HLA-DQA1: variants seen among roughly 807,000 people sequenced by gnomAD.
The protein encoded by HLA-DQA1 is major histocompatibility complex, class II, DQ alpha 1, also known as HLA class II histocompatibility antigen, DQ alpha 1 chain.
HLA-DQA1 carries 10 observed loss-of-function variants against 20.7 expected under a neutral mutation model. The ratio of observed to expected loss-of-function variants is 0.48; its 90% CI spans 0.30 to 0.82. The LOEUF (loss-of-function observed/expected upper bound fraction) is 0.82. HLA-DQA1 is among the 40% of genes least tolerant of loss of function. The probability of loss-of-function intolerance (pLI) is 0.07; values close to 1 mark genes in which losing one functional copy is unlikely to be tolerated. For synonymous variants in HLA-DQA1, 39 were observed against 109.2 expected, an observed-to-expected ratio of 0.36 and a Z score of 4.01; for missense variants, 127 against 293.0, an observed-to-expected ratio of 0.43 and a Z score of 4.14.
At chr6:32,650,274 T>C (rs1210377004), downstream of HLA-DQA1, among the ~76,000 whole-genome samples, 35 of 96,936 alleles carry the variant, frequency 3.6e-4, 13 homozygotes, top group Non-Finnish European at 7.6e-4. Context: ...TCAACCATTG[T>C]GGAAAACAAT....
At chr6:32,647,669 T>G (rs17612562), downstream of HLA-DQA1, among the ~76,000 whole-genome samples, 86,021 of 151,460 alleles carry the variant, frequency 0.57, 24,648 homozygotes, top group Middle Eastern at 0.7. Context: ...TCCAAATCCT[T>G]CCTAAGTCTA....
chr6:32,654,573 T>A, the HLA-DQA1 span, among the ~76,000 whole-genome samples: 279 of 82,516 alleles, frequency 3.4e-3, 1 homozygote, highest in Middle Eastern at 0.017. Context: ...AAATGCTATG[T>A]AAATAGTTAT....
At chr6:32,644,028 T>A (rs9273030), downstream of HLA-DQA1, 84,896 of 149,674 alleles carry the variant, frequency 0.57, 24,463 homozygotes, top group Middle Eastern at 0.7. Context: ...GGATGTTTCT[T>A]GGAAACATGC....
Position 32,642,001 on chromosome 6 carries a change from T to G in HLA-DQA1, c.361T>G (p.Ser121Ala). The change falls in exon 3 of 5, where the codon TCT (serine) becomes GCT (alanine). Residue 121 changes from serine to alanine, a missense_variant. Ser to Ala is a moderately conservative substitution (Grantham distance 99). Around this residue, in one of 4 missense-constraint regions of HLA-DQA1, gnomAD observed 30 missense variants for 39.9 expected, o/e 0.75. Transcript: ENST00000343139. ...TCCTGAGGTCACAGTGTTTTCCAAG[T>G]CTCCCGTGACACTGGGTCAGCCCAA... ...EVPEVTVFSK[S>A]PVTLGQPNTL... The G allele has an allele frequency of 6.4e-7, 1 of 1,552,668 alleles. No individual in the cohort carries two copies.
At chr6:32,644,898 T>C (rs960537528), downstream of HLA-DQA1, 1 of 140,070 alleles carries the variant, frequency 7.1e-6, no homozygotes, top group African/African-American at 2.6e-5. Flanking sequence ...TTTATGCCTG[T>C]TTACTTTGGG....
rs869290258 is a variant in HLA-DQA1 at position 32,639,015 on chromosome 6, CTT to C, written c.82+1477_82+1478del. 717 of 312,168 alleles carry C rather than the reference CTT, an allele frequency of 2.3e-3. 11 individuals are homozygous for C. Among genetic ancestry groups the C allele is most frequent in the Admixed American group, 6.2e-3 (152 of 24,464 alleles). 19.3% of individuals were successfully genotyped at this position (312,168 alleles called of 1,614,324 possible). A position where few individuals can be genotyped will look rare whatever the true frequency, so the allele number is the denominator to read the frequency against. On this transcript the variant is annotated intron_variant, in intron 1 of 4. Coordinates refer to ENST00000343139, the MANE Select transcript of HLA-DQA1 (RefSeq NM_002122.5). ...AAAAGGGGAAGTGAACTGGAAGGTA[CTT>C]TAAACTTTCACAACTTTATTAACCG... is the stretch of plus-strand genomic sequence containing the variant.
chr6:32,640,472 G>C lies in HLA-DQA1; in HGVS notation c.83-838G>C, dbSNP rs117441922. Among the ~76,000 whole-genome samples the C allele has an allele frequency of 6.2e-4, 52 of 84,378 alleles. 3 individuals are homozygous for C. In the East Asian group the frequency reaches 0.019, roughly 31 times the overall value. 55.4% of individuals were successfully genotyped at this position (84,378 alleles called of 152,430 possible). On this transcript the variant is annotated intron_variant, in intron 1 of 4. Transcript: ENST00000343139. ...CTGCCATTCTGCTCTGGCATCCTCA[G>C]ACAAGCACACTGCCCATTAGAGGAA...
chr6:32,647,442 C>A (rs1263060648), downstream of HLA-DQA1, among the ~76,000 whole-genome samples: 1 of 53,762 alleles, frequency 1.9e-5, no homozygotes, highest in Non-Finnish European at 4.2e-5. Flanking sequence ...GCACTCCAGC[C>A]TGGGCAACAG....
chr6:32,652,279 CAAA>C, the HLA-DQA1 span, among the ~76,000 whole-genome samples: 4 of 41,286 alleles, frequency 9.7e-5, no homozygotes, highest in African/African-American at 8.3e-5. Flanking sequence ...GACTCCATCT[CAAA>C]AAAAAAAAAA....
the HLA-DQA1 span, among the ~76,000 whole-genome samples, chr6:32,654,844 C>T: frequency 0.031 from 2,927 of 94,286 alleles, 1,090 homozygotes; most frequent in East Asian, 0.31. Flanking sequence ...TGGTGAAACC[C>T]TGTCTCGGGA....
the HLA-DQA1 span, among the ~76,000 whole-genome samples, chr6:32,652,141 G>T: frequency 5.4e-5 from 5 of 93,202 alleles, 2 homozygotes; most frequent in African/African-American, 7.5e-5. Flanking sequence ...AATTAGCTGG[G>T]CACGGTGGCG....
chr6:32,637,947 A>G (rs9272472), intron 1 of HLA-DQA1, among the ~76,000 whole-genome samples: 16,554 of 92,692 alleles, frequency 0.18, 3,103 homozygotes, highest in East Asian at 0.28. Flanking sequence ...TCTTGGGGTC[A>G]TTCCATCAAT....
chr6:32,649,368 A>C (rs1782093949), downstream of HLA-DQA1, among the ~76,000 whole-genome samples: 1 of 97,088 alleles, frequency 1.0e-5, no homozygotes, highest in Non-Finnish European at 2.3e-5. Context: ...CAAAGCAAAA[A>C]GAACAAAGCA....
Position 32,637,660 on chromosome 6 carries a change from C to A in HLA-DQA1, c.82+120C>A, listed in dbSNP as rs7751376. 5 of 428,384 alleles carry A rather than the reference C, an allele frequency of 1.2e-5. 1 individual carries two copies. The African/African-American group carries it at 1.4e-4, about 12-fold the overall frequency. The allele number at this position is 428,384 out of a possible 1,614,324, so 26.5% of individuals were successfully genotyped here. A position where few individuals can be genotyped will look rare whatever the true frequency, so the allele number is the denominator to read the frequency against. On this transcript the variant is annotated intron_variant, in intron 1 of 4. Transcript: ENST00000343139. ...CCTAAGGGCCCTTTCAGTATTAAGA[C>A]AATTAAAAATTATAGCTGTTCCTCC...
downstream of HLA-DQA1, among the ~76,000 whole-genome samples, chr6:32,648,072 G>A (rs1782054388): frequency 6.7e-6 from 1 of 148,948 alleles, no homozygotes; most frequent in Non-Finnish European, 1.5e-5. Flanking sequence ...GGCGTTTAGA[G>A]ATGGCTTGAA....
Position 32,642,354 on chromosome 6 carries a change from A to T in HLA-DQA1, c.613+101A>T, listed in dbSNP as rs756161144. ...TCCAAAAACTTGTTTTCCACACTTC[A>T]TGGGTTTCTTTTCTGTCTCTCTTTT... On this transcript the variant is annotated intron_variant, in intron 3 of 4. Transcript: ENST00000343139. 7.6e-6 allele frequency: 6 copies of T among 793,354 alleles called. 2 individuals are homozygous for T. Among genetic ancestry groups the T allele is most frequent in the Non-Finnish European group, 1.2e-5 (6 of 514,422 alleles). 49.1% of individuals were successfully genotyped at this position (793,354 alleles called of 1,614,324 possible). A position where few individuals can be genotyped will look rare whatever the true frequency, so the allele number is the denominator to read the frequency against.
chr6:32,642,593 C>G lies in HLA-DQA1; in HGVS notation c.614-17C>G. 7.2e-7 allele frequency: 1 copy of G among 1,388,792 alleles called. No homozygotes were observed. The highest frequency in any genetic ancestry group is 1.2e-5 in the South Asian group (1 of 84,532). The allele number at this position is 1,388,792 out of a possible 1,614,324, so 86.0% of individuals were successfully genotyped here. A position where few individuals can be genotyped will look rare whatever the true frequency, so the allele number is the denominator to read the frequency against. On this transcript the variant is annotated splice_polypyrimidine_tract_variant and intron_variant, in intron 3 of 4. Transcript: ENST00000343139. ...AGCACACTCTGCATTCTGACCTCAACAACTTCACTTCCACAGAGCCTGAGA... is the reference window on the plus strand; with the variant it reads ...AGCACACTCTGCATTCTGACCTCAAGAACTTCACTTCCACAGAGCCTGAGA...
At position 32,643,089 on chromosome 6, in the gene HLA-DQA1, TC is replaced by T; in HGVS notation, c.*162del. ...TTTCTCTGGGACTTAAGCTGCTATA[TC>T]CCCTCAGAGCTCACAAATGCCTTTA... On this transcript the variant is annotated 3_prime_UTR_variant, in exon 5 of 5. Transcript: ENST00000343139. 1 of 370,328 alleles carries T rather than the reference TC, an allele frequency of 2.7e-6. No individual in the cohort carries two copies. The highest frequency in any genetic ancestry group is 5.2e-6 in the Non-Finnish European group (1 of 193,174). The allele number at this position is 370,328 out of a possible 1,614,324, so 22.9% of individuals were successfully genotyped here.
chr6:32,651,466 C>T (rs1782185148), downstream of HLA-DQA1, among the ~76,000 whole-genome samples: 1 of 84,706 alleles, frequency 1.2e-5, no homozygotes, highest in Non-Finnish European at 2.5e-5. Context: ...CGCCTGTAGT[C>T]CCAGCTGCTC....
Sources: gnomAD v4.1 joint callset for allele counts (sites outside exome capture counted in the v4.1 genomes callset) on GRCh38, gnomAD v4.1.1 for gene constraint, gnomAD v4.1.1 regional missense constraint, MANE v1.5 for transcripts, NCBI Gene and HGNC (gene_info 2026-07-23, HGNC 2026-07-21) for gene names.